LRRC4C: variants seen among roughly 807,000 people sequenced by gnomAD.
LRRC4C encodes the protein leucine-rich repeat-containing protein 4C.
LRRC4C carries 5 observed loss-of-function variants against 33.6 expected under a neutral mutation model. That is an observed-to-expected ratio of 0.15 (90% CI 0.08 to 0.31). The LOEUF (loss-of-function observed/expected upper bound fraction) is 0.31. Among genes scored for constraint, LRRC4C ranks in the 10% least tolerant of loss-of-function variants. LRRC4C has a pLI of 1.00. For missense variants in LRRC4C, 560 were observed against 796.7 expected (o/e 0.70, Z 3.58); for synonymous variants, 329 against 302.0 (o/e 1.09, Z -0.93).
intron 2 of LRRC4C, among the ~76,000 whole-genome samples, chr11:40,758,145 G>A (rs187999153): frequency 6.6e-6 from 1 of 152,100 alleles, no homozygotes; most frequent in Admixed American, 6.6e-5. Flanking sequence ...AACATTTCCT[G>A]GGCATCTTTT....
At chr11:41,411,546 T>C (rs1024688491) in intron 1 of LRRC4C, among the ~76,000 whole-genome samples, 2 of 152,118 alleles carry the variant, frequency 1.3e-5, no homozygotes, top group East Asian at 1.9e-4. Context: ...AAGAGAAAAA[T>C]TGTACTTCAG....
Position 40,382,521 on chromosome 11 carries a change from T to G in LRRC4C, c.-269-62800A>C, listed in dbSNP as rs556354737. On this transcript the variant is annotated intron_variant, in intron 3 of 6. Coordinates refer to ENST00000528697, the MANE Select transcript of LRRC4C (RefSeq NM_001258419.2). Reference sequence around the variant, plus strand: ...CACCTCCAAAAGTTTCCTCCAACCCTCTTTATTTATTATTATTTTATGATA... The same window carrying G: ...CACCTCCAAAAGTTTCCTCCAACCCGCTTTATTTATTATTATTTTATGATA... 9.9e-5 allele frequency among the ~76,000 whole-genome samples: 15 copies of G among 151,508 alleles called. No individual in the cohort carries two copies. The South Asian group carries it at 2.9e-3, about 29-fold the overall frequency.
chr11:40,569,589 A>G (rs1957899734), intron 3 of LRRC4C, among the ~76,000 whole-genome samples: 1 of 152,128 alleles, frequency 6.6e-6, no homozygotes, highest in South Asian at 2.1e-4. Context: ...TATTTTAATT[A>G]AAGTGTCATC....
chr11:41,327,094 G>C (rs1425724564), intron 1 of LRRC4C, among the ~76,000 whole-genome samples: 2 of 152,098 alleles, frequency 1.3e-5, no homozygotes, highest in Admixed American at 1.3e-4. Context: ...GGATTTAATT[G>C]GGTCAAACGT....
intron 3 of LRRC4C, among the ~76,000 whole-genome samples, chr11:40,344,555 G>A (rs1403158436): frequency 6.6e-6 from 1 of 152,102 alleles, no homozygotes; most frequent in East Asian, 1.9e-4. Flanking sequence ...CATAATGAAT[G>A]GGCAAAAAGT....
intron 4 of LRRC4C, among the ~76,000 whole-genome samples, chr11:40,244,607 T>C (rs150542120): frequency 1.3e-5 from 2 of 152,296 alleles, no homozygotes; most frequent in African/African-American, 4.8e-5. Flanking sequence ...CACACTTCCT[T>C]ATGTCCCTTT....
intron 1 of LRRC4C, among the ~76,000 whole-genome samples, chr11:40,986,588 G>GA (rs952544299): frequency 6.6e-6 from 1 of 151,558 alleles, no homozygotes; most frequent in Non-Finnish European, 1.5e-5. Flanking sequence ...GAACAAAAAA[G>GA]AAAAAAAGAC....
intron 1 of LRRC4C, among the ~76,000 whole-genome samples, chr11:41,289,419 C>T (rs1010235908): frequency 6.6e-6 from 1 of 152,076 alleles, no homozygotes; most frequent in East Asian, 1.9e-4. Context: ...GAAGCACTAA[C>T]GGTTAACATA....
intron 1 of LRRC4C, among the ~76,000 whole-genome samples, chr11:41,143,207 T>C (rs1436605436): frequency 7.0e-6 from 1 of 142,916 alleles, no homozygotes; most frequent in Non-Finnish European, 1.5e-5. Flanking sequence ...TTGACAAAAA[T>C]ATGATAAAAG....
intron 1 of LRRC4C, among the ~76,000 whole-genome samples, chr11:40,971,577 A>T (rs1400360975): frequency 1.3e-5 from 2 of 152,150 alleles, no homozygotes; most frequent in Admixed American, 1.3e-4. Context: ...AGTAGCACAG[A>T]TGGAAAATAT....
chr11:40,635,687 A>G (rs1963892576), intron 3 of LRRC4C, among the ~76,000 whole-genome samples: 2 of 129,538 alleles, frequency 1.5e-5, no homozygotes, highest in Non-Finnish European at 3.1e-5. Context: ...CCCAGGCTAG[A>G]GTGCAGTGGC....
At chr11:41,450,085 C>T (rs561585229) in intron 1 of LRRC4C, among the ~76,000 whole-genome samples, 2 of 152,232 alleles carry the variant, frequency 1.3e-5, no homozygotes, top group South Asian at 2.1e-4. Flanking sequence ...CAGAGAGTGG[C>T]CTTTTTGTCA....
chr11:40,972,669 G>T (rs939892646), intron 1 of LRRC4C, among the ~76,000 whole-genome samples: 8 of 152,112 alleles, frequency 5.3e-5, no homozygotes, highest in Admixed American at 2.0e-4. Flanking sequence ...GAGAATGAGA[G>T]CGAAGTTGGG....
chr11:40,864,591 AG>A (rs1278414710), intron 2 of LRRC4C, among the ~76,000 whole-genome samples: 1 of 152,198 alleles, frequency 6.6e-6, no homozygotes, highest in Non-Finnish European at 1.5e-5. Flanking sequence ...AGCTAAGGCA[AG>A]ATTGAAAAAC....
Position 40,246,132 on chromosome 11 carries a change from C to T in LRRC4C, c.-175-4534G>A, listed in dbSNP as rs1204343280. Among the ~76,000 whole-genome samples the T allele has an allele frequency of 2.6e-5, 4 of 152,050 alleles. No individual in the cohort carries two copies. The South Asian group carries it at 6.2e-4, about 24-fold the overall frequency. The stretch of plus-strand genomic sequence containing the variant: ...GGGACTACAGGTGTCCGCCACCACA[C>T]CTGGCTAATTTTTATATTTTTAGTA... On this transcript the variant is annotated intron_variant, in intron 4 of 6. Transcript: ENST00000528697.
intron 2 of LRRC4C, among the ~76,000 whole-genome samples, chr11:40,871,331 A>G (rs1399918961): frequency 6.6e-6 from 1 of 151,974 alleles, no homozygotes; most frequent in Non-Finnish European, 1.5e-5. Context: ...CCTTTTGAAA[A>G]TCACTAATAA....
chr11:41,092,854 G>C (rs1373832625), intron 1 of LRRC4C, among the ~76,000 whole-genome samples: 1 of 152,198 alleles, frequency 6.6e-6, no homozygotes, highest in Non-Finnish European at 1.5e-5. Flanking sequence ...GGCATGCAAT[G>C]ATGAAATATA....
At chr11:40,317,091 G>A (rs1300620460) in intron 4 of LRRC4C, among the ~76,000 whole-genome samples, 1 of 151,618 alleles carries the variant, frequency 6.6e-6, no homozygotes, top group Non-Finnish European at 1.5e-5. Context: ...TTCAACTAAT[G>A]TTTACTAAAA....
At chr11:41,214,416 A>C (rs573953625) in intron 1 of LRRC4C, among the ~76,000 whole-genome samples, 22 of 151,948 alleles carry the variant, frequency 1.4e-4, no homozygotes, top group African/African-American at 5.3e-4. Flanking sequence ...AACGTATAAC[A>C]ATGGCTGGCA....
Sources: allele counts gnomAD v4.1 joint callset (sites outside exome capture counted in the v4.1 genomes callset), GRCh38; gene constraint gnomAD v4.1.1; transcripts MANE v1.5; gene names NCBI Gene and HGNC (gene_info 2026-07-23, HGNC 2026-07-21).